LRP1B: variants seen among roughly 807,000 people sequenced by gnomAD.
LRP1B encodes low-density lipoprotein receptor-related protein 1B.
LRP1B carries 217 observed loss-of-function variants against 556.6 expected under a neutral mutation model. The ratio of observed to expected loss-of-function variants is 0.39; its 90% CI spans 0.35 to 0.44. The LOEUF (loss-of-function observed/expected upper bound fraction) is 0.44, where lower values mean the gene tolerates loss of function less well. LRP1B is among the 20% of genes least tolerant of loss of function. LRP1B has a pLI of 1.00. For synonymous variants in LRP1B, 2,047 were observed against 1,865.8 expected (o/e 1.10, Z -2.50); for missense variants, 5,053 against 5,620.8 (o/e 0.90, Z 3.23).
At chr2:140,731,271 T>C (rs1354100479) in intron 35 of LRP1B, among the ~76,000 whole-genome samples, 1 of 152,202 alleles carries the variant, frequency 6.6e-6, no homozygotes, top group Non-Finnish European at 1.5e-5. Context: ...CCTTTCCAGT[T>C]GACTGAGATG....
chr2:141,132,255 G>A (rs1701377007), intron 7 of LRP1B, among the ~76,000 whole-genome samples: 1 of 151,946 alleles, frequency 6.6e-6, no homozygotes, highest in Non-Finnish European at 1.5e-5. Context: ...TATGGGGGCG[G>A]AACCCTCATG....
At chr2:141,519,784 T>C (rs1184295724) in intron 2 of LRP1B, among the ~76,000 whole-genome samples, 1 of 152,008 alleles carries the variant, frequency 6.6e-6, no homozygotes, top group African/African-American at 2.4e-5. Flanking sequence ...AAAAAAAGCG[T>C]TCTTTCTTGC....
intron 3 of LRP1B, among the ~76,000 whole-genome samples, chr2:141,269,080 G>A (rs757057456): frequency 2.0e-5 from 3 of 152,148 alleles, no homozygotes; most frequent in African/African-American, 4.8e-5. Flanking sequence ...TTTGCTGAGG[G>A]AAATGCAGGG....
chr2:140,301,289 G>T (rs1683809235), intron 83 of LRP1B, among the ~76,000 whole-genome samples: 1 of 151,462 alleles, frequency 6.6e-6, no homozygotes, highest in Non-Finnish European at 1.5e-5. Context: ...TTTAATTTTG[G>T]TACATCCTTG....
rs1680169756 is a variant in LRP1B at position 140,322,096 on chromosome 2, A to C, written c.12515-8T>G. On this transcript the variant is annotated splice_polypyrimidine_tract_variant and splice_region_variant and intron_variant, in intron 81 of 90. Coordinates refer to ENST00000389484, the MANE Select transcript of LRP1B (RefSeq NM_018557.3). ...CCAAGCATGGATTGGGTACTGGTGA[A>C]ACAAAAGAAAACAAAGAAGTGTGTA... The C allele has an allele frequency of 6.2e-7, 1 of 1,608,656 alleles. No individual in the cohort carries two copies. Among genetic ancestry groups the C allele is most frequent in the Non-Finnish European group, 8.5e-7 (1 of 1,177,936 alleles).
intron 2 of LRP1B, among the ~76,000 whole-genome samples, chr2:141,511,201 T>C (rs983199): frequency 0.97 from 148,267 of 152,194 alleles, 72,334 homozygotes; most frequent in East Asian, 1. Context: ...TCTTTTCTTA[T>C]TGACTTAATT....
rs1696317442 is a variant in LRP1B, at chr2:141,810,337, G to C, written c.147C>G (p.Ser49Arg). Residue 49 changes from serine to arginine, a missense_variant, in exon 2 of 91, where the codon AGC (serine) becomes AGG (arginine). By Grantham distance (110) the Ser-to-Arg change is moderately radical. Coordinates refer to ENST00000389484, the MANE Select transcript of LRP1B (RefSeq NM_018557.3). ...CHDHVTCVSQ[S>R]WLCDGDPDCP... ...AGTCAGGGTCCCCATCACACAGCCA[G>C]CTCTGGGAGACACAAGTCACGTGAT... 4.3e-6 allele frequency: 7 copies of C among 1,613,024 alleles called. No homozygotes were observed. Among genetic ancestry groups the C allele is most frequent in the Non-Finnish European group, 5.9e-6 (7 of 1,179,462 alleles).
intron 41 of LRP1B, among the ~76,000 whole-genome samples, chr2:140,664,875 T>G (rs2105346773): frequency 6.6e-6 from 1 of 152,264 alleles, no homozygotes; most frequent in Non-Finnish European, 1.5e-5. Flanking sequence ...GGAATGCCCT[T>G]TCTTTAAAAA....
intron 8 of LRP1B, among the ~76,000 whole-genome samples, chr2:141,060,811 T>G (rs1255766562): frequency 6.6e-6 from 1 of 151,706 alleles, no homozygotes; most frequent in Non-Finnish European, 1.5e-5. Context: ...GAGCAGTAGG[T>G]AAACCATTTT....
At chr2:140,239,555 G>C (rs751621304) in intron 87 of LRP1B, 23 bp from the exon 88 acceptor site, 2 of 1,460,370 alleles carry the variant, frequency 1.4e-6, no homozygotes, top group African/African-American at 2.8e-5. Context: ...TGAGTGAATA[G>C]ATGAAGAAAT....
intron 32 of LRP1B, among the ~76,000 whole-genome samples, chr2:140,791,771 G>A (rs1274783372): frequency 6.6e-6 from 1 of 152,240 alleles, no homozygotes; most frequent in East Asian, 1.9e-4. Flanking sequence ...CCTTGTATCA[G>A]ACCTTCCAGG....
At chr2:140,248,721 G>A (rs1454880784) in intron 86 of LRP1B, among the ~76,000 whole-genome samples, 4 of 151,354 alleles carry the variant, frequency 2.6e-5, no homozygotes. Context: ...CTAGAAAAAT[G>A]TTCCAATTCT....
chr2:140,383,744 T>C (rs966756401), intron 67 of LRP1B, among the ~76,000 whole-genome samples: 1 of 152,236 alleles, frequency 6.6e-6, no homozygotes, highest in African/African-American at 2.4e-5. Flanking sequence ...AAATACTTCA[T>C]TCTTGTTCGC....
At chr2:141,774,261 T>C (rs1694987835) in intron 2 of LRP1B, among the ~76,000 whole-genome samples, 1 of 152,192 alleles carries the variant, frequency 6.6e-6, no homozygotes, top group Non-Finnish European at 1.5e-5. Context: ...AGGTTTATTT[T>C]GGCTCATGTT....
chr2:141,404,258 T>G (rs750430201), intron 3 of LRP1B, among the ~76,000 whole-genome samples: 2 of 152,202 alleles, frequency 1.3e-5, no homozygotes, highest in Non-Finnish European at 2.9e-5. Flanking sequence ...ATTTCAACAA[T>G]CATTTATAAT....
At chr2:141,771,975 C>T (rs140176121) in intron 2 of LRP1B, among the ~76,000 whole-genome samples, 16,942 of 151,962 alleles carry the variant, frequency 0.11, 1,043 homozygotes, top group Middle Eastern at 0.22. Flanking sequence ...CCTGCCACCA[C>T]GCCTGGCTAA....
In LRP1B at chr2:142,070,645, T is replaced by G. The variant is rs561329367; in HGVS notation, c.82+60003A>C. Reference sequence around the variant, plus strand: ...ACAGCTCATGCACAGGTGCTCACATTATAAAAGGGAACATTTAATCCCTTT... The same window carrying G: ...ACAGCTCATGCACAGGTGCTCACATGATAAAAGGGAACATTTAATCCCTTT... On this transcript the variant is annotated intron_variant, in intron 1 of 90. Transcript: ENST00000389484. Among the ~76,000 whole-genome samples, 259 of 151,944 alleles carry G rather than the reference T, an allele frequency of 1.7e-3. 2 individuals are homozygous for G. The highest frequency in any genetic ancestry group is 5.5e-3 in the African/African-American group (228 of 41,516).
At chr2:141,370,770 G>A (rs922151638) in intron 3 of LRP1B, among the ~76,000 whole-genome samples, 2 of 151,914 alleles carry the variant, frequency 1.3e-5, no homozygotes, top group African/African-American at 4.8e-5. Context: ...ATATGTTTAC[G>A]GTTTCAGGTC....
chr2:140,738,208 C>T (rs1688013529), intron 35 of LRP1B, among the ~76,000 whole-genome samples: 1 of 152,100 alleles, frequency 6.6e-6, no homozygotes, highest in Admixed American at 6.6e-5. Context: ...AGAGGTGTCA[C>T]CATACTTGCA....
Sources: allele counts gnomAD v4.1 joint callset (sites outside exome capture counted in the v4.1 genomes callset), GRCh38; gene constraint gnomAD v4.1.1; transcripts MANE v1.5; gene names NCBI Gene and HGNC (gene_info 2026-07-23, HGNC 2026-07-21).